Variants in GULP1 observed in about 807,000 individuals in gnomAD.
GULP1 encodes the protein PTB domain-containing engulfment adapter protein 1.
GULP1 carries 19 observed loss-of-function variants against 40.9 expected under a neutral mutation model. That is an observed-to-expected ratio of 0.46 (90% CI 0.32 to 0.68). GULP1 has a LOEUF of 0.68. Ranked by LOEUF, GULP1 falls within the 30% of genes least tolerant of loss-of-function variation. GULP1 has a pLI of 0.03. For missense variants in GULP1, 312 were observed against 362.2 expected (o/e 0.86, Z 1.12); for synonymous variants, 119 against 117.6 (o/e 1.01, Z -0.08).
At chr2:188,573,624 G>A (rs551250577) in intron 9 of GULP1, among the ~76,000 whole-genome samples, 1 of 149,734 alleles carries the variant, frequency 6.7e-6, no homozygotes, top group East Asian at 1.9e-4. Context: ...TTATAACCCT[G>A]GAAATAGGAC....
chr2:188,317,373 G>A (rs976769340), intron 1 of GULP1, among the ~76,000 whole-genome samples: 4 of 152,222 alleles, frequency 2.6e-5, no homozygotes, highest in African/African-American at 7.2e-5. Flanking sequence ...AGTGATAGTC[G>A]ACACAATCTA....
chr2:188,502,129 G>GT (rs1289498907), intron 4 of GULP1, among the ~76,000 whole-genome samples: 2 of 151,866 alleles, frequency 1.3e-5, no homozygotes, highest in African/African-American at 2.4e-5. Context: ...CCCTAGCGGT[G>GT]TAAGAGGCAA....
At chr2:188,548,279 GAATACAT>G (rs1483478333) in intron 7 of GULP1, among the ~76,000 whole-genome samples, 3 of 152,056 alleles carry the variant, frequency 2.0e-5, no homozygotes, top group Non-Finnish European at 4.4e-5. Flanking sequence ...CCAGGTGGCA[GAATACAT>G]AATTAACATA....
intron 7 of GULP1, among the ~76,000 whole-genome samples, chr2:188,556,941 G>A (rs1694919108): frequency 6.6e-6 from 1 of 151,774 alleles, no homozygotes; most frequent in South Asian, 2.1e-4. Flanking sequence ...GGAGAATGGT[G>A]TGAACCTGGG....
chr2:188,503,635 A>G (rs777704280), intron 4 of GULP1, among the ~76,000 whole-genome samples: 6 of 151,838 alleles, frequency 4.0e-5, no homozygotes, highest in Non-Finnish European at 8.8e-5. Flanking sequence ...GCCCAAGTCA[A>G]TTCTTCCAAT....
chr2:188,561,122 A>T (rs1696149572), intron 7 of GULP1, among the ~76,000 whole-genome samples: 2 of 152,148 alleles, frequency 1.3e-5, no homozygotes, highest in Admixed American at 1.3e-4. Flanking sequence ...TGTGCTGGGG[A>T]CTGGGACGTT....
chr2:188,464,830 G>T (rs1043612801), intron 2 of GULP1, among the ~76,000 whole-genome samples: 6 of 152,150 alleles, frequency 3.9e-5, no homozygotes, highest in African/African-American at 7.2e-5. Flanking sequence ...TACTGCCATT[G>T]TTCCCTAAGG....
At chr2:188,308,148 C>T (rs1016813092) in intron 1 of GULP1, among the ~76,000 whole-genome samples, 14 of 106,774 alleles carry the variant, frequency 1.3e-4, no homozygotes, top group African/African-American at 4.5e-4. Context: ...GCATTAGCAT[C>T]CACATGTGTT....
At chr2:188,412,445 A>G (rs1373842967) in intron 2 of GULP1, among the ~76,000 whole-genome samples, 1 of 152,096 alleles carries the variant, frequency 6.6e-6, no homozygotes, top group Non-Finnish European at 1.5e-5. Context: ...ACTCAGAGGT[A>G]GGAAGAGCCC....
intron 9 of GULP1, among the ~76,000 whole-genome samples, chr2:188,578,677 G>A (rs1700654363): frequency 6.6e-6 from 1 of 151,968 alleles, no homozygotes; most frequent in African/African-American, 2.4e-5. Flanking sequence ...ATTCCCCTAA[G>A]TATAATAATT....
chr2:188,507,554 T>A (rs182296190), intron 4 of GULP1, among the ~76,000 whole-genome samples: 1 of 152,050 alleles, frequency 6.6e-6, no homozygotes, highest in East Asian at 1.9e-4. Flanking sequence ...CATACTTCAC[T>A]TATTTGTGTA....
intron 2 of GULP1, among the ~76,000 whole-genome samples, chr2:188,455,244 G>A (rs986678225): frequency 1.3e-5 from 2 of 152,120 alleles, no homozygotes; most frequent in African/African-American, 4.8e-5. Flanking sequence ...ATTAATTTGT[G>A]AACAAGTTTC....
intron 1 of GULP1, among the ~76,000 whole-genome samples, chr2:188,307,231 A>G (rs2037247294): frequency 6.6e-6 from 1 of 152,178 alleles, no homozygotes; most frequent in South Asian, 2.1e-4. Context: ...ATATTTTATG[A>G]AAATAAATTT....
intron 6 of GULP1, among the ~76,000 whole-genome samples, chr2:188,531,417 A>C (rs1009054776): frequency 6.6e-6 from 1 of 152,218 alleles, no homozygotes; most frequent in African/African-American, 2.4e-5. Flanking sequence ...AGTAAAGATC[A>C]ATGGCATACC....
intron 4 of GULP1, among the ~76,000 whole-genome samples, chr2:188,497,635 T>G (rs2063029908): frequency 1.3e-5 from 2 of 151,912 alleles, no homozygotes; most frequent in South Asian, 4.1e-4. Flanking sequence ...GAGATGAATA[T>G]TTTACTATTT....
chr2:188,348,302 T>C (rs376428048), intron 1 of GULP1, among the ~76,000 whole-genome samples: 3 of 152,316 alleles, frequency 2.0e-5, no homozygotes, highest in South Asian at 4.1e-4. Context: ...ACCCGGAATA[T>C]CAGGAAGTTA....
intron 1 of GULP1, among the ~76,000 whole-genome samples, chr2:188,328,027 A>G (rs559977844): frequency 6.6e-6 from 1 of 152,190 alleles, no homozygotes; most frequent in South Asian, 2.1e-4. Flanking sequence ...ATTTTGTAAT[A>G]TGTATGTGTC....
chr2:188,333,172 G>A (rs761705098), intron 1 of GULP1, among the ~76,000 whole-genome samples: 9 of 151,822 alleles, frequency 5.9e-5, no homozygotes, highest in Non-Finnish European at 1.3e-4. Flanking sequence ...TTGAACCCAG[G>A]AGACTGAGGC....
chr2:188,293,451 A>G (rs1223041567), intron 1 of GULP1, among the ~76,000 whole-genome samples: 1 of 152,244 alleles, frequency 6.6e-6, no homozygotes, highest in Non-Finnish European at 1.5e-5. Flanking sequence ...GACAATACTG[A>G]TGATTTTGTG....
Sources: gnomAD v4.1 joint callset for allele counts (sites outside exome capture counted in the v4.1 genomes callset) on GRCh38, gnomAD v4.1.1 for gene constraint, MANE v1.5 for transcripts, NCBI Gene and HGNC (gene_info 2026-07-23, HGNC 2026-07-21) for gene names.